Variants in RIN2 observed in about 807,000 individuals in gnomAD.
RIN2 encodes the protein RAB5 interacting protein 2.
Under a neutral mutation model 78.0 loss-of-function variants are expected in RIN2, and 36 were observed. The ratio of observed to expected loss-of-function variants is 0.46; its 90% confidence interval spans 0.35 to 0.61. The LOEUF (loss-of-function observed/expected upper bound fraction) is 0.61. Ranked by LOEUF, RIN2 falls within the 20% of genes least tolerant of loss-of-function variation. RIN2 has a pLI of 0.00. For missense variants in RIN2, 1,087 were observed against 1,159.7 expected (o/e 0.94, Z 0.91); for synonymous variants, 466 against 466.8 (o/e 1.00, Z 0.02).
At chr20:19,916,024 G>A (rs567318362) in intron 3 of RIN2, among the ~76,000 whole-genome samples, 3 of 152,196 alleles carry the variant, frequency 2.0e-5, no homozygotes, top group Admixed American at 6.5e-5. Context: ...AGTGGATCAC[G>A]AGGTCAAGAG....
chr20:19,949,999 T>C (rs1480353428), intron 4 of RIN2, among the ~76,000 whole-genome samples: 1 of 152,194 alleles, frequency 6.6e-6, no homozygotes, highest in African/African-American at 2.4e-5. Context: ...TGTTGGGCCA[T>C]GGGAAGGAAG....
At chr20:19,896,476 A>G (rs935492073) in intron 3 of RIN2, among the ~76,000 whole-genome samples, 6 of 152,222 alleles carry the variant, frequency 3.9e-5, no homozygotes, top group South Asian at 2.1e-4. Context: ...CTCAAAAGCC[A>G]TAGAGATGAA....
chr20:19,970,968 A>G (rs1207411609), intron 8 of RIN2, 39 bp downstream of exon 8: 1 of 1,492,946 alleles, frequency 6.7e-7, no homozygotes, highest in Non-Finnish European at 9.3e-7. Flanking sequence ...TCTAAAAATG[A>G]ATCCATGGAG....
intron 4 of RIN2, among the ~76,000 whole-genome samples, chr20:19,947,695 C>T (rs539846923): frequency 1.5e-4 from 23 of 152,352 alleles, no homozygotes; most frequent in Non-Finnish European, 2.4e-4. Context: ...CTTCAGGGAA[C>T]GAGCCCTCAG....
intron 1 of RIN2, among the ~76,000 whole-genome samples, chr20:19,772,413 G>A (rs2034162789): frequency 6.6e-6 from 1 of 152,186 alleles, no homozygotes; most frequent in South Asian, 2.1e-4. Flanking sequence ...TTCAAATCCA[G>A]TGGTCAGTCT....
intron 7 of RIN2, among the ~76,000 whole-genome samples, chr20:19,970,372 G>A (rs891225515): frequency 2.0e-5 from 3 of 152,218 alleles, no homozygotes; most frequent in African/African-American, 7.2e-5. Flanking sequence ...CATAAGTAAA[G>A]CCAACAGATA....
intron 8 of RIN2, among the ~76,000 whole-genome samples, chr20:19,971,450 C>T (rs1365774146): frequency 6.6e-6 from 1 of 152,150 alleles, no homozygotes; most frequent in Admixed American, 6.5e-5. Flanking sequence ...TCAAGACATA[C>T]AACTCACCCA....
chr20:19,883,243 A>G (rs529410555), intron 2 of RIN2, among the ~76,000 whole-genome samples: 233 of 151,682 alleles, frequency 1.5e-3, no homozygotes, highest in Non-Finnish European at 1.8e-3. Flanking sequence ...GCGAAGAGGG[A>G]TGCCTCAGGA....
At chr20:19,814,245 A>C (rs2035692233) in intron 2 of RIN2, among the ~76,000 whole-genome samples, 1 of 152,226 alleles carries the variant, frequency 6.6e-6, no homozygotes, top group Non-Finnish European at 1.5e-5. Flanking sequence ...TGGAAAAATC[A>C]GACAAAAATA....
intron 2 of RIN2, among the ~76,000 whole-genome samples, chr20:19,859,116 C>T (rs924363908): frequency 6.6e-6 from 1 of 152,166 alleles, no homozygotes; most frequent in Admixed American, 6.5e-5. Context: ...GGGGGTCATA[C>T]TTAGAATGTT....
At position 19,897,170 on chromosome 20, in the gene RIN2, A is replaced by T. The variant is rs575998359; in HGVS notation, c.57+7512A>T. ...GCCCAGACTGGAGTGTAGTGGAACA[A>T]TCTCTGCTCACTGCAACCTCCGCCT... On this transcript the variant is annotated intron_variant, in intron 3 of 12. Transcript: ENST00000255006. Among the ~76,000 whole-genome samples, 64 of 152,030 alleles carry T rather than the reference A, an allele frequency of 4.2e-4. 1 individual carries two copies. Among genetic ancestry groups the T allele is most frequent in the Non-Finnish European group, 3.2e-4 (22 of 68,012 alleles).
chr20:19,898,257 C>T (rs568736632), intron 3 of RIN2, among the ~76,000 whole-genome samples: 21 of 152,186 alleles, frequency 1.4e-4, no homozygotes, highest in Non-Finnish European at 2.2e-4. Flanking sequence ...TGCTCATCTT[C>T]GCCAGGGGAC....
chr20:19,860,704 A>C (rs1207003296), intron 2 of RIN2, among the ~76,000 whole-genome samples: 1 of 152,206 alleles, frequency 6.6e-6, no homozygotes, highest in Non-Finnish European at 1.5e-5. Context: ...CTCACTCCCC[A>C]TGGAGTCTGG....
At chr20:19,818,082 G>A (rs1021349684) in intron 2 of RIN2, among the ~76,000 whole-genome samples, 10 of 144,490 alleles carry the variant, frequency 6.9e-5, no homozygotes, top group Non-Finnish European at 3.0e-5. Context: ...TTGCTTCTGA[G>A]TTACAAACCT....
Position 19,796,095 on chromosome 20 carries a change from G to A in RIN2, c.-162-3527G>A, listed in dbSNP as rs6112579. 3.6e-3 allele frequency among the ~76,000 whole-genome samples: 403 copies of A among 110,746 alleles called. 1 individual carries two copies. The highest frequency in any genetic ancestry group is 4.9e-3 in the Non-Finnish European group (308 of 62,360). The allele number at this position is 110,746 out of a possible 152,430, so 72.7% of individuals were successfully genotyped here. A position where few individuals can be genotyped will look rare whatever the true frequency, so the allele number is the denominator to read the frequency against. ...GGAAGAAAAGAGCAAAGAAAAAAAAGAAAAGAAAAGAAAAGTAGGTTAGGG... is the reference window on the plus strand; with the variant it reads ...GGAAGAAAAGAGCAAAGAAAAAAAAAAAAAGAAAAGAAAAGTAGGTTAGGG... On this transcript the variant is annotated intron_variant, in intron 1 of 12. Transcript: ENST00000255006.
chr20:19,993,468 G>A (rs888707664), intron 11 of RIN2, among the ~76,000 whole-genome samples: 3 of 151,808 alleles, frequency 2.0e-5, no homozygotes, highest in Admixed American at 1.3e-4. Flanking sequence ...TTTTCCTGTC[G>A]GAGGGACCGC....
chr20:19,836,149 C>G (rs1325810366), intron 2 of RIN2, among the ~76,000 whole-genome samples: 1 of 152,196 alleles, frequency 6.6e-6, no homozygotes, highest in African/African-American at 2.4e-5. Context: ...CTGGTATCAT[C>G]TGGTGACATC....
intron 1 of RIN2, among the ~76,000 whole-genome samples, chr20:19,789,626 C>T (rs1342659291): frequency 2.0e-5 from 3 of 152,178 alleles, no homozygotes; most frequent in Non-Finnish European, 4.4e-5. Flanking sequence ...CTGTAGGTGG[C>T]TCCTAATCTT....
At chr20:19,904,309 C>T (rs942319040) in intron 3 of RIN2, among the ~76,000 whole-genome samples, 2 of 150,614 alleles carry the variant, frequency 1.3e-5, no homozygotes, top group African/African-American at 2.4e-5. Flanking sequence ...GTGTAGCACA[C>T]ATCTGTATGC....
Sources: allele counts gnomAD v4.1 joint callset (sites outside exome capture counted in the v4.1 genomes callset), GRCh38; gene constraint gnomAD v4.1.1; transcripts MANE v1.5; gene names NCBI Gene and HGNC (gene_info 2026-07-23, HGNC 2026-07-21).